Variants in SLC50A1 observed in about 807,000 individuals in gnomAD.
SLC50A1 encodes sugar transporter SWEET1.
In SLC50A1, 22 loss-of-function variants were observed where a neutral mutation model predicts 28.9. The observed-to-expected ratio is 0.76, with a 90% CI of 0.54 to 1.09. The LOEUF (loss-of-function observed/expected upper bound fraction) is 1.09. Among genes scored for constraint, SLC50A1 ranks in the 50% least tolerant of loss-of-function variants. SLC50A1 has a pLI of 0.00. For missense variants in SLC50A1, 233 were observed against 273.4 expected, an observed-to-expected ratio of 0.85 and a Z score of 1.04; for synonymous variants, 96 against 110.6, an observed-to-expected ratio of 0.87 and a Z score of 0.83.
At chr1:155,135,677 A>G (rs77568723), upstream of SLC50A1, 1,386 of 1,550,352 alleles carry the variant, frequency 8.9e-4, 13 homozygotes, top group African/African-American at 0.015. Flanking sequence ...GGGACATGGA[A>G]GAGGTCTGGA....
In SLC50A1 at chr1:155,135,987, G is replaced by C. The variant is rs1664428145; in HGVS notation, c.76G>C (p.Gly26Arg). 7 of 1,614,086 alleles carry C rather than the reference G, an allele frequency of 4.3e-6. No individual in the cohort carries two copies. The highest frequency in any genetic ancestry group is 5.9e-6 in the Non-Finnish European group (7 of 1,180,008). Reference protein sequence around the residue: ...VVFTLGMFSAGLSDLRHMRMT... With the variant: ...VVFTLGMFSARLSDLRHMRMT... The stretch of plus-strand genomic sequence containing the variant: ...CTTCACCCTTGGCATGTTCTCCGCC[G>C]GCCTGTGAGAGTGCGGCCGGGCTGG... The change falls in exon 1 of 6, where the codon GGC becomes CGC. Residue 26 changes from glycine to arginine, a missense_variant. Gly to Arg is a moderately radical substitution (Grantham distance 125). Transcript: ENST00000368404.
chr1:155,137,453 TA>T (rs1664551986), intron 3 of SLC50A1, 107 bp from the exon 4 acceptor site: 4 of 1,400,632 alleles, frequency 2.9e-6, no homozygotes, highest in Non-Finnish European at 3.9e-6. Flanking sequence ...GCTGGAGGCC[TA>T]GACAGCTTGG....
At chr1:155,137,267 AGAT>A in intron 3 of SLC50A1, 1 of 546,512 alleles carries the variant, frequency 1.8e-6, no homozygotes, top group Non-Finnish European at 3.3e-6. Flanking sequence ...GGTGAGAATG[AGAT>A]GATTAGCTCT....
chr1:155,138,295 A>G lies in SLC50A1; in HGVS notation c.*14A>G, dbSNP rs532641337. 3.7e-6 allele frequency: 6 copies of G among 1,612,352 alleles called. No homozygotes were observed. In the East Asian group the frequency reaches 1.1e-4, roughly 30 times the overall value. On this transcript the variant is annotated 3_prime_UTR_variant, in exon 6 of 6. Transcript: ENST00000368404. ...CTGCAAACCTGAGGCTGCTCATCTG[A>G]CCACTGGGCACCTTAGTGCCAACCT...
chr1:155,137,218 C>T (rs1187328346), intron 3 of SLC50A1: 1 of 554,928 alleles, frequency 1.8e-6, no homozygotes, highest in Non-Finnish European at 3.2e-6. Flanking sequence ...GGGGAAAGGG[C>T]TTTTGTCTCT....
chr1:155,136,284 G>GCC lies in SLC50A1; in HGVS notation c.81-15_81-14insCC. 1 of 1,469,824 alleles carries GCC rather than the reference G, an allele frequency of 6.8e-7. No homozygotes were observed. The highest frequency in any genetic ancestry group is 9.5e-7 in the Non-Finnish European group (1 of 1,056,000). The allele number at this position is 1,469,824 out of a possible 1,614,324, so 91.0% of individuals were successfully genotyped here. ...CCTTCCCACCCCCACCCCTCCCTTCGGGGCCCCATTACAGCTCGGACCTCA... is the reference window on the plus strand; with the variant it reads ...CCTTCCCACCCCCACCCCTCCCTTCGCCGGGCCCCATTACAGCTCGGACCTCA... On this transcript the variant is annotated splice_polypyrimidine_tract_variant and intron_variant, in intron 1 of 5. Transcript: ENST00000368404.
At chr1:155,136,649 A>G in intron 2 of SLC50A1, 179 bp from the exon 3 acceptor site, 3 of 906,784 alleles carry the variant, frequency 3.3e-6, no homozygotes, top group Non-Finnish European at 4.9e-6. Flanking sequence ...AGGCTGAGGC[A>G]GGAGAATGGC....
Position 155,136,969 on chromosome 1 carries a change from G to T in SLC50A1, c.282+18G>T. The T allele has an allele frequency of 6.2e-7, 1 of 1,611,888 alleles. No homozygotes were observed. ...CTCGGAAGGTAGAGGCCCTCCCTTG[G>T]ACCCACCTATCTGCTGCACGCCCTG... On this transcript the variant is annotated intron_variant, in intron 3 of 5. Coordinates refer to ENST00000368404, the MANE Select transcript of SLC50A1 (RefSeq NM_018845.4).
Position 155,138,046 on chromosome 1 carries a change from C to A in SLC50A1, c.512C>A (p.Thr171Asn). 1 of 1,614,198 alleles carries A rather than the reference C, an allele frequency of 6.2e-7. No homozygotes were observed. The highest frequency in any genetic ancestry group is 8.5e-7 in the Non-Finnish European group (1 of 1,180,040). ...CCACTCACCATTGCTACCCTTCTCA[C>A]CTCTGCCTCCTGGTGCCTCTATGGG... is the stretch of plus-strand genomic sequence containing the variant. Reference protein sequence around the residue: ...SYPLTIATLLTSASWCLYGFR... With the variant: ...SYPLTIATLLNSASWCLYGFR... The change falls in exon 5 of 6, where the codon ACC becomes AAC. Residue 171 changes from threonine (T) to asparagine (N), a missense_variant. Physicochemically the swap from Thr to Asn is moderately conservative, Grantham distance 65 (BLOSUM62 0). Coordinates refer to ENST00000368404, the MANE Select transcript of SLC50A1 (RefSeq NM_018845.4).
rs774383569 is a variant in SLC50A1 at position 155,136,867 on chromosome 1, C to T, written c.198C>T (p.Asp66=). 15 of 1,614,094 alleles carry T rather than the reference C, an allele frequency of 9.3e-6. No homozygotes were observed. The highest frequency in any genetic ancestry group is 2.2e-5 in the East Asian group (1 of 44,898). Residue 66 remains aspartate, a synonymous_variant, in exon 3 of 6, where the codon GAC becomes GAT. Coordinates refer to ENST00000368404, the MANE Select transcript of SLC50A1 (RefSeq NM_018845.4). ...TGAGTTATGGGGCTTTGAAGGGAGA[C>T]GGGATCCTCATCGTCGTCAACACAG... The part of the protein sequence containing the change: ...GWLSYGALKG[D]GILIVVNTVG...
At chr1:155,136,802 C>T in intron 2 of SLC50A1, 26 bp from the exon 3 acceptor site, 1 of 1,613,822 alleles carries the variant, frequency 6.2e-7, no homozygotes, top group Non-Finnish European at 8.5e-7. Flanking sequence ...ACCCTTTGAG[C>T]CATGTCCATC....
At position 155,136,339 on chromosome 1, in the gene SLC50A1, A is replaced by G; in HGVS notation, c.121A>G (p.Asn41Asp). Residue 41 changes from asparagine (N) to aspartate (D), a missense_variant, in exon 2 of 6, where the codon AAC (asparagine) becomes GAC (aspartate). Coordinates refer to ENST00000368404, the MANE Select transcript of SLC50A1 (RefSeq NM_018845.4). Reference protein sequence around the residue: ...RHMRMTRSVDNVQFLPFLTTE... With the variant: ...RHMRMTRSVDDVQFLPFLTTE... The stretch of plus-strand genomic sequence containing the variant: ...CATGCGAATGACCCGGAGTGTGGAC[A>G]ACGTCCAGTTCCTGCCCTTTCTCAC... 4 of 1,612,332 alleles carry G rather than the reference A, an allele frequency of 2.5e-6. No individual in the cohort carries two copies. Among genetic ancestry groups the G allele is most frequent in the African/African-American group, 1.3e-5 (1 of 74,906 alleles).
chr1:155,135,609 T>A, upstream of SLC50A1: 1 of 1,549,622 alleles, frequency 6.5e-7, no homozygotes, highest in Non-Finnish European at 8.7e-7. Flanking sequence ...GTAGGCAGAG[T>A]GTGAGCAGCG....
rs757561854 is a variant in SLC50A1, at chr1:155,138,284, C to T, written c.*3C>T. On this transcript the variant is annotated 3_prime_UTR_variant, in exon 6 of 6. Transcript: ENST00000368404. ...ACTACTGGCTCCTGCAAACCTGAGG[C>T]TGCTCATCTGACCACTGGGCACCTT... is the stretch of plus-strand genomic sequence containing the variant. The T allele has an allele frequency of 6.2e-7, 1 of 1,613,602 alleles. No individual in the cohort carries two copies. The highest frequency in any genetic ancestry group is 8.5e-7 in the Non-Finnish European group (1 of 1,179,874).
Position 155,135,977 on chromosome 1 carries a change from G to C in SLC50A1, c.66G>C (p.Met22Ile). 1 of 1,614,040 alleles carries C rather than the reference G, an allele frequency of 6.2e-7. No individual in the cohort carries two copies. Among genetic ancestry groups the C allele is most frequent in the Non-Finnish European group, 8.5e-7 (1 of 1,180,012 alleles). ...YGACVVFTLGMFSAGLSDLRH... is the reference protein window; with the variant it reads ...YGACVVFTLGIFSAGLSDLRH... ...CATGCGTGGTCTTCACCCTTGGCAT[G>C]TTCTCCGCCGGCCTGTGAGAGTGCG... The change falls in exon 1 of 6, where the codon ATG becomes ATC. Residue 22 changes from methionine to isoleucine, a missense_variant. By Grantham distance (10) the Met-to-Ile change is conservative. Transcript: ENST00000368404.
In SLC50A1 at chr1:155,138,566, T is replaced by G. The variant is rs558306097; in HGVS notation, c.*285T>G. The G allele has an allele frequency of 1.0e-4, 37 of 358,624 alleles. 1 individual carries two copies. The South Asian group carries it at 1.1e-3, about 11-fold the overall frequency. 22.2% of individuals were successfully genotyped at this position (358,624 alleles called of 1,614,324 possible). On this transcript the variant is annotated 3_prime_UTR_variant, in exon 6 of 6. Transcript: ENST00000368404. ...AAGGCCGGGCGCGGTGGCTCACGCC[T>G]GTAATCCCAGCACTTTGGGAGGCCA...
chr1:155,136,784 C>T (rs1489877920), intron 2 of SLC50A1, 44 bp from the exon 3 acceptor site: 5 of 1,611,824 alleles, frequency 3.1e-6, no homozygotes, highest in South Asian at 2.2e-5. Context: ...GTCCTCCTCT[C>T]ACACTGAACC....
In SLC50A1 at chr1:155,135,890, G is replaced by T. The variant is rs377665601; in HGVS notation, c.-22G>T. On this transcript the variant is annotated 5_prime_UTR_variant, in exon 1 of 6. Transcript: ENST00000368404. ...CGCAGGCTCGCGGCGGGCGCTGGGC[G>T]CGGGATCCGACTCTAGTCGTAATGG... The T allele has an allele frequency of 1.5e-4, 243 of 1,609,436 alleles. No homozygotes were observed. Among genetic ancestry groups the T allele is most frequent in the East Asian group, 6.7e-5 (3 of 44,702 alleles).
At position 155,137,641 on chromosome 1, in the gene SLC50A1, C is replaced by G; in HGVS notation, c.363C>G (p.Asn121Lys). 6.2e-7 allele frequency: 1 copy of G among 1,614,192 alleles called. No homozygotes were observed. Among genetic ancestry groups the G allele is most frequent in the African/African-American group, 1.3e-5 (1 of 75,034 alleles). The change falls in exon 4 of 6, where the codon AAC (asparagine) becomes AAG (lysine). Residue 121 changes from asparagine (N) to lysine (K), a missense_variant. Physicochemically the swap from Asn to Lys is moderately conservative, Grantham distance 94. Coordinates refer to ENST00000368404, the MANE Select transcript of SLC50A1 (RefSeq NM_018845.4). ...GYGYFWLLVPNPEARLQQLGL... is the reference protein window; with the variant it reads ...GYGYFWLLVPKPEARLQQLGL... ...GCTACTTTTGGCTCCTGGTACCCAA[C>G]CCTGAGGCCCGGCTTCAGCAGTTGG...
Sources: gnomAD v4.1 joint callset for allele counts on GRCh38, gnomAD v4.1.1 for gene constraint, MANE v1.5 for transcripts, NCBI Gene and HGNC (gene_info 2026-07-23, HGNC 2026-07-21) for gene names.